The following CYYR1 variants were observed in gnomAD, a reference collection of about 807,000 sequenced individuals.
The protein encoded by CYYR1 is cysteine and tyrosine-rich protein 1.
Under a neutral mutation model 15.2 loss-of-function variants are expected in CYYR1, and 14 were observed. The ratio of observed to expected loss-of-function variants is 0.92; its 90% CI spans 0.61 to 1.44. The LOEUF (loss-of-function observed/expected upper bound fraction) is 1.44, where lower values mean the gene tolerates loss of function less well. CYYR1 is among the 40% of genes most tolerant of loss of function. CYYR1 has a pLI of 0.00. For missense variants in CYYR1, 228 were observed against 209.5 expected (o/e 1.09, Z -0.54); for synonymous variants, 80 against 77.4 (o/e 1.03, Z -0.18).
intron 3 of CYYR1, among the ~76,000 whole-genome samples, chr21:26,473,528 C>A (rs2123371981): frequency 1.3e-5 from 2 of 152,274 alleles, no homozygotes; most frequent in African/African-American, 4.8e-5. Context: ...TTCTGGAAGG[C>A]TTTGCACATC....
chr21:26,509,320 A>G (rs944572824), intron 2 of CYYR1, among the ~76,000 whole-genome samples: 7 of 152,190 alleles, frequency 4.6e-5, no homozygotes, highest in African/African-American at 1.7e-4. Flanking sequence ...CATTGGTCAA[A>G]TGTTACATTT....
At chr21:26,567,175 T>A (rs905671653) in intron 1 of CYYR1, among the ~76,000 whole-genome samples, 2 of 1,218 alleles carry the variant, frequency 1.6e-3, no homozygotes, top group African/African-American at 8.3e-3. Flanking sequence ...TTTGGTGACT[T>A]TTTTTTACCT....
chr21:26,475,036 T>C (rs2065085805), intron 3 of CYYR1, among the ~76,000 whole-genome samples: 1 of 152,188 alleles, frequency 6.6e-6, no homozygotes, highest in South Asian at 2.1e-4. Flanking sequence ...CCTGGATCAA[T>C]ATCTAGGAGC....
intron 2 of CYYR1, among the ~76,000 whole-genome samples, chr21:26,515,419 G>A (rs2065714225): frequency 6.6e-6 from 1 of 151,978 alleles, no homozygotes; most frequent in African/African-American, 2.4e-5. Context: ...GAGTGCAGTT[G>A]CACAATCTTG....
Position 26,480,446 on chromosome 21 carries a change from G to A in CYYR1, c.177-17C>T, listed in dbSNP as rs1336288520. The A allele has an allele frequency of 1.2e-6, 2 of 1,602,282 alleles. No individual in the cohort carries two copies. The highest frequency in any genetic ancestry group is 8.5e-7 in the Non-Finnish European group (1 of 1,174,868). Reference sequence around the variant, plus strand: ...GCAGTGCCCCTAAAAGGAAAAACAAGTAAGTTTACTCAAAAGACTTGTAAG... The same window carrying A: ...GCAGTGCCCCTAAAAGGAAAAACAAATAAGTTTACTCAAAAGACTTGTAAG... On this transcript the variant is annotated splice_polypyrimidine_tract_variant and intron_variant, in intron 2 of 3. Coordinates refer to ENST00000652641, the MANE Select transcript of CYYR1 (RefSeq NM_001320768.2).
At chr21:26,470,247 C>A (rs1477831308) in intron 3 of CYYR1, among the ~76,000 whole-genome samples, 5 of 152,096 alleles carry the variant, frequency 3.3e-5, no homozygotes, top group African/African-American at 1.2e-4. Flanking sequence ...ATTGCTTTTG[C>A]AAACGAACCT....
chr21:26,485,319 C>T (rs2065235982), intron 2 of CYYR1, among the ~76,000 whole-genome samples: 1 of 152,030 alleles, frequency 6.6e-6, no homozygotes, highest in African/African-American at 2.4e-5. Flanking sequence ...ACATGAAAAG[C>T]AGGAAATTGA....
At position 26,573,062 on chromosome 21, in the gene CYYR1, G is replaced by A; in HGVS notation, c.-122C>T. On this transcript the variant is annotated 5_prime_UTR_variant, in exon 1 of 4. Coordinates refer to ENST00000652641, the MANE Select transcript of CYYR1 (RefSeq NM_001320768.2). ...TGAGAGCCGGGTGGAGCAGAGACCC[G>A]GCCATTGCCTAGGGAGCCTTCCAAG... is the stretch of plus-strand genomic sequence containing the variant. 6.4e-7 allele frequency: 1 copy of A among 1,571,336 alleles called. No homozygotes were observed. The highest frequency in any genetic ancestry group is 2.3e-5 in the East Asian group (1 of 42,678).
chr21:26,553,399 T>C lies in CYYR1; in HGVS notation c.176+12867A>G, dbSNP rs549228430. Among the ~76,000 whole-genome samples, 5 of 152,266 alleles carry C rather than the reference T, an allele frequency of 3.3e-5. No homozygotes were observed. In the East Asian group the frequency reaches 5.8e-4, roughly 18 times the overall value. On this transcript the variant is annotated intron_variant, in intron 2 of 3. Coordinates refer to ENST00000652641, the MANE Select transcript of CYYR1 (RefSeq NM_001320768.2). ...TTCTTTCACCAAACTTGGGATTTTT[T>C]TAGCTCCATACTCTTTCTCCTTTCT...
intron 2 of CYYR1, chr21:26,564,658 C>G: frequency 9.6e-7 from 1 of 1,042,332 alleles, no homozygotes; most frequent in Non-Finnish European, 1.2e-6. Flanking sequence ...TATGTATTTA[C>G]CAGGGTGGAG....
At chr21:26,498,181 C>T (rs1381367333) in intron 2 of CYYR1, among the ~76,000 whole-genome samples, 2 of 152,156 alleles carry the variant, frequency 1.3e-5, no homozygotes, top group East Asian at 1.9e-4. Context: ...CATATTTGGC[C>T]TCTCTCAGGG....
At chr21:26,497,335 A>T (rs2065419884) in intron 2 of CYYR1, among the ~76,000 whole-genome samples, 1 of 152,202 alleles carries the variant, frequency 6.6e-6, no homozygotes, top group African/African-American at 2.4e-5. Flanking sequence ...AGATCGTTTC[A>T]TCAATCTTGT....
At position 26,468,629 on chromosome 21, in the gene CYYR1, G is replaced by T; in HGVS notation, c.340C>A (p.Pro114Thr). The change falls in exon 4 of 4, where the codon CCA (proline) becomes ACA (threonine). Residue 114 changes from proline (P) to threonine (T), a missense_variant. By Grantham distance (38) the Pro-to-Thr change is conservative. Coordinates refer to ENST00000652641, the MANE Select transcript of CYYR1 (RefSeq NM_001320768.2). ...INTVSSYPAG[P>T]PPYGHDHEME... ...TCGTGGTCGTGACCGTAGGGTGGTGGTCCTGCTGAAAAAGAAGGGGAAGAG... is the reference window on the plus strand; with the variant it reads ...TCGTGGTCGTGACCGTAGGGTGGTGTTCCTGCTGAAAAAGAAGGGGAAGAG... The T allele has an allele frequency of 6.3e-7, 1 of 1,598,788 alleles. No individual in the cohort carries two copies. The highest frequency in any genetic ancestry group is 8.5e-7 in the Non-Finnish European group (1 of 1,172,148).
intron 2 of CYYR1, among the ~76,000 whole-genome samples, chr21:26,490,370 C>T (rs1209727153): frequency 6.6e-6 from 1 of 151,690 alleles, no homozygotes; most frequent in Non-Finnish European, 1.5e-5. Flanking sequence ...TACTACGATA[C>T]AAAGTTGGAT....
chr21:26,543,245 A>G (rs1978704142), intron 2 of CYYR1, among the ~76,000 whole-genome samples: 1 of 152,078 alleles, frequency 6.6e-6, no homozygotes. Flanking sequence ...CGGGCTTAAT[A>G]CCTAAGTGGT....
At chr21:26,473,232 A>G (rs1334513360) in intron 3 of CYYR1, among the ~76,000 whole-genome samples, 1 of 151,970 alleles carries the variant, frequency 6.6e-6, no homozygotes, top group Non-Finnish European at 1.5e-5. Context: ...AAACCTTCTC[A>G]TCTACTCTCC....
At chr21:26,482,938 G>A (rs551819150) in intron 2 of CYYR1, among the ~76,000 whole-genome samples, 8 of 151,712 alleles carry the variant, frequency 5.3e-5, no homozygotes, top group Admixed American at 2.6e-4. Context: ...TTTATGTTCG[G>A]AGACTCACGT....
chr21:26,492,505 T>C (rs2065342059), intron 2 of CYYR1, among the ~76,000 whole-genome samples: 1 of 152,198 alleles, frequency 6.6e-6, no homozygotes, highest in African/African-American at 2.4e-5. Flanking sequence ...TGGCATTATT[T>C]GAATTCTAGG....
Position 26,467,417 on chromosome 21 carries a change from A to G in CYYR1, c.*1084T>C, listed in dbSNP as rs1004075600. 1 of 152,186 alleles carries G rather than the reference A, an allele frequency of 6.6e-6. No individual in the cohort carries two copies. Among genetic ancestry groups the G allele is most frequent in the African/African-American group, 2.4e-5 (1 of 41,450 alleles). 9.4% of individuals were successfully genotyped at this position (152,186 alleles called of 1,614,324 possible). A position where few individuals can be genotyped will look rare whatever the true frequency, so the allele number is the denominator to read the frequency against. Reference sequence around the variant, plus strand: ...GAGAACAGATTATCAAAATTTTACGAAGAAGAAAAAAATAATAGTTTTAAG... The same window carrying G: ...GAGAACAGATTATCAAAATTTTACGGAGAAGAAAAAAATAATAGTTTTAAG... On this transcript the variant is annotated 3_prime_UTR_variant, in exon 4 of 4. Transcript: ENST00000652641.
Sources: allele counts gnomAD v4.1 joint callset (sites outside exome capture counted in the v4.1 genomes callset), GRCh38; gene constraint gnomAD v4.1.1; transcripts MANE v1.5; gene names NCBI Gene and HGNC (gene_info 2026-07-23, HGNC 2026-07-21).